The following SETD2 variants were observed in gnomAD, a reference collection of about 807,000 sequenced individuals.
The protein encoded by SETD2 is SET domain containing 2, histone lysine methyltransferase.
In SETD2, 31 loss-of-function variants were observed where a neutral mutation model predicts 242.1. The observed-to-expected ratio is 0.13, with a 90% CI of 0.10 to 0.17. The LOEUF (loss-of-function observed/expected upper bound fraction) is 0.17. Ranked by LOEUF, SETD2 falls within the 10% of genes least tolerant of loss-of-function variation. SETD2 has a pLI of 1.00. For missense variants in SETD2, 2,481 were observed against 3,046.3 expected (o/e 0.81, Z 4.37); for synonymous variants, 1,006 against 1,066.5 (o/e 0.94, Z 1.11).
At chr3:47,139,293 ATGTC>A (rs1314621710) in intron 1 of SETD2, among the ~76,000 whole-genome samples, 41 of 152,236 alleles carry the variant, frequency 2.7e-4, no homozygotes, top group African/African-American at 9.1e-4. Context: ...AATTATCTGA[ATGTC>A]TAGTAGGTAC....
intron 15 of SETD2, among the ~76,000 whole-genome samples, chr3:47,049,374 CT>C (rs1166711209): frequency 8.5e-4 from 82 of 96,950 alleles, no homozygotes; most frequent in African/African-American, 2.9e-3. Flanking sequence ...TAAACTTATT[CT>C]TTTTTTTTTT....
At chr3:47,062,686 C>G (rs985336328) in intron 13 of SETD2, among the ~76,000 whole-genome samples, 1 of 152,146 alleles carries the variant, frequency 6.6e-6, no homozygotes, top group African/African-American at 2.4e-5. Flanking sequence ...CTTGCCAGTT[C>G]AAAAATGTAA....
chr3:47,138,139 T>G (rs1194944233), intron 1 of SETD2: 1 of 151,808 alleles, frequency 6.6e-6, no homozygotes, highest in African/African-American at 2.4e-5. Context: ...GCCTGGCTAA[T>G]TTTTTTGTAT....
chr3:47,116,079 G>T (rs2042841692), intron 4 of SETD2, among the ~76,000 whole-genome samples: 1 of 152,120 alleles, frequency 6.6e-6, no homozygotes. Context: ...ATTTAGGCAG[G>T]TCTGTACACA....
At position 47,086,131 on chromosome 3, in the gene SETD2, T is replaced by G. The variant is rs1369620890; in HGVS notation, c.5397+64A>C. The stretch of plus-strand genomic sequence containing the variant: ...ATTCATAATTACTGATATTATCACA[T>G]ATCCACAACCGAGGCAATCAATATA... On this transcript the variant is annotated intron_variant, in intron 11 of 20. Transcript: ENST00000409792. The G allele has an allele frequency of 1.9e-6, 3 of 1,570,554 alleles. No individual in the cohort carries two copies. In the Admixed American group the frequency reaches 5.1e-5, roughly 26 times the overall value.
rs115023083 is a variant in SETD2, at chr3:47,122,186, A to G, written c.2450T>C (p.Met817Thr). The G allele has an allele frequency of 1.1e-4, 173 of 1,614,084 alleles. 2 individuals carry two copies. In the African/African-American group the frequency reaches 1.2e-3, roughly 11 times the overall value. Residue 817 changes from methionine (M) to threonine (T), a missense_variant, in exon 3 of 21, where the codon ATG (methionine) becomes ACG (threonine). Transcript: ENST00000409792. ...SEAENIEPSVMKISSNSFMNV... is the reference protein window; with the variant it reads ...SEAENIEPSVTKISSNSFMNV... The stretch of plus-strand genomic sequence containing the variant: ...CATAAAGCTATTTGAAGAAATCTTC[A>G]TAACTGAAGGCTCAATATTTTCAGC...
intron 17 of SETD2, chr3:47,041,485 T>TA: frequency 4.4e-6 from 1 of 229,064 alleles, no homozygotes; most frequent in Non-Finnish European, 9.1e-6. Context: ...ACTCTGTCTC[T>TA]ACAAAAAAAA....
rs1328580846 is a variant in SETD2 at position 47,122,537 on chromosome 3, T to G, written c.2099A>C (p.Asp700Ala). The G allele has an allele frequency of 1.2e-6, 2 of 1,614,054 alleles. No homozygotes were observed. The highest frequency in any genetic ancestry group is 4.5e-5 in the East Asian group (2 of 44,866). ...KTDAVLMTSD[D>A]SVTGSELSPL... The stretch of plus-strand genomic sequence containing the variant: ...GGATAATTCCGATCCAGTCACACTA[T>G]CATCAGAAGTCATTAAAACAGCATC... Residue 700 changes from aspartate (D) to alanine (A), a missense_variant, in exon 3 of 21, where the codon GAT becomes GCT. This residue lies in a region of SETD2 where 1,300 missense variants were observed against 1,259.2 expected (regional missense o/e 1.03). Transcript: ENST00000409792.
At chr3:47,036,503 C>G (rs2039001277) in intron 18 of SETD2, among the ~76,000 whole-genome samples, 1 of 151,892 alleles carries the variant, frequency 6.6e-6, no homozygotes, top group African/African-American at 2.4e-5. Flanking sequence ...TGCAGTGAGC[C>G]AAGATCACAC....
intron 12 of SETD2, among the ~76,000 whole-genome samples, chr3:47,069,422 C>A (rs1006777983): frequency 3.3e-5 from 5 of 152,162 alleles, no homozygotes; most frequent in African/African-American, 1.2e-4. Context: ...ATTAAACCAC[C>A]CAAGAAGCGT....
At chr3:47,041,024 A>C (rs2107535616) in intron 17 of SETD2, among the ~76,000 whole-genome samples, 1 of 152,314 alleles carries the variant, frequency 6.6e-6, no homozygotes, top group Non-Finnish European at 1.5e-5. Flanking sequence ...AAGTAGTAAG[A>C]TTAGTGTCCC....
chr3:47,061,142 C>T (rs548340869), intron 14 of SETD2, among the ~76,000 whole-genome samples: 6 of 151,990 alleles, frequency 3.9e-5, no homozygotes, highest in Non-Finnish European at 5.9e-5. Context: ...GGCGTGAACC[C>T]GGGAGGCGGA....
rs778321999 is a variant in SETD2 at position 47,017,594 on chromosome 3, G to T, written c.7533+44C>A. 22 of 1,342,368 alleles carry T rather than the reference G, an allele frequency of 1.6e-5. No individual in the cohort carries two copies. Among genetic ancestry groups the T allele is most frequent in the African/African-American group, 7.2e-5 (5 of 69,516 alleles). 83.2% of individuals were successfully genotyped at this position (1,342,368 alleles called of 1,614,324 possible). A position where few individuals can be genotyped will look rare whatever the true frequency, so the allele number is the denominator to read the frequency against. On this transcript the variant is annotated intron_variant, in intron 20 of 20. Transcript: ENST00000409792. This position sits in a 1 kb window ranked among gnomAD's most constrained non-coding sequence, Gnocchi z 4.8. ...GGGCTTCTTAGAAGGTACACAGTTT[G>T]CCCAGAACATTGCCTGGTGGGCTAC...
intron 18 of SETD2, among the ~76,000 whole-genome samples, chr3:47,022,000 A>T (rs1381257768): frequency 6.6e-6 from 1 of 151,952 alleles, no homozygotes; most frequent in Non-Finnish European, 1.5e-5. Context: ...TACAAAAATT[A>T]GCTGGGCGTG....
At chr3:47,082,883 C>CA (rs906566739) in intron 12 of SETD2, among the ~76,000 whole-genome samples, 9 of 152,150 alleles carry the variant, frequency 5.9e-5, no homozygotes, top group African/African-American at 2.2e-4. Flanking sequence ...CATCTTGCTG[C>CA]AAAGAGTCAG....
chr3:47,088,279 A>T (rs1265310441), intron 9 of SETD2, 32 bp from the exon 10 acceptor site: 32 of 1,568,364 alleles, frequency 2.0e-5, no homozygotes, highest in Non-Finnish European at 2.7e-5. Flanking sequence ...CCTTTTTATA[A>T]AACAACAACA....
chr3:47,056,071 A>G (rs963130816), intron 15 of SETD2, among the ~76,000 whole-genome samples: 1 of 126,916 alleles, frequency 7.9e-6, no homozygotes, highest in Non-Finnish European at 1.7e-5. Context: ...CTAAAAAAAA[A>G]AAAAAAGAAA....
rs1417679576 is a variant in SETD2 at position 47,124,038 on chromosome 3, T to C, written c.598A>G (p.Thr200Ala). The change falls in exon 3 of 21, where the codon ACA (threonine) becomes GCA (alanine). Residue 200 changes from threonine (T) to alanine (A), a missense_variant. Transcript: ENST00000409792. Reference sequence around the variant, plus strand: ...ACTGGTGCTGGTGATGAGAGTGTTGTGGCTTGGGCAGGTGGAGGCGGTGGA... The same window carrying C: ...ACTGGTGCTGGTGATGAGAGTGTTGCGGCTTGGGCAGGTGGAGGCGGTGGA... ...PPPPPPPAQA[T>A]TLSSPAPVTE... The C allele has an allele frequency of 5.2e-6, 8 of 1,552,154 alleles. No individual in the cohort carries two copies. The highest frequency in any genetic ancestry group is 7.0e-6 in the Non-Finnish European group (8 of 1,147,088).
intron 15 of SETD2, among the ~76,000 whole-genome samples, chr3:47,050,038 T>C (rs1575689367): frequency 6.7e-6 from 1 of 148,762 alleles, no homozygotes; most frequent in Non-Finnish European, 1.5e-5. Flanking sequence ...GGGAAAAACA[T>C]ACATTTTGAT....
Sources: allele counts gnomAD v4.1 joint callset (sites outside exome capture counted in the v4.1 genomes callset), GRCh38; gene constraint gnomAD v4.1.1; regional missense constraint gnomAD v4.1.1; non-coding constraint Gnocchi (gnomAD v3.1); transcripts MANE v1.5; gene names NCBI Gene and HGNC (gene_info 2026-07-23, HGNC 2026-07-21).